The following FBXW7 variants were observed in gnomAD, a reference collection of about 807,000 sequenced individuals.
The protein encoded by FBXW7 is F-box and WD repeat domain containing 7.
FBXW7 carries 11 observed loss-of-function variants against 86.3 expected under a neutral mutation model. The observed-to-expected ratio is 0.13, with a 90% CI of 0.08 to 0.21. The LOEUF (loss-of-function observed/expected upper bound fraction) is 0.21, where lower values mean the gene tolerates loss of function less well. Among genes scored for constraint, FBXW7 ranks in the 10% least tolerant of loss-of-function variants. The probability of loss-of-function intolerance (pLI) is 1.00; values close to 1 mark genes in which losing one functional copy is unlikely to be tolerated. For synonymous variants in FBXW7, 313 were observed against 297.9 expected, an observed-to-expected ratio of 1.05 and a Z score of -0.52; for missense variants, 488 against 847.4, an observed-to-expected ratio of 0.58 and a Z score of 5.27.
At chr4:152,494,423 G>C (rs1372345349) in intron 2 of FBXW7, among the ~76,000 whole-genome samples, 1 of 152,206 alleles carries the variant, frequency 6.6e-6, no homozygotes, top group African/African-American at 2.4e-5. Flanking sequence ...TAATGCAGTG[G>C]ATTCCCATGC....
At chr4:152,530,317 T>C (rs894044867) in intron 2 of FBXW7, 6 of 152,194 alleles carry the variant, frequency 3.9e-5, no homozygotes, top group Non-Finnish European at 7.3e-5. Flanking sequence ...CAAACTTTAA[T>C]GCTCTTATAA....
chr4:152,456,152 T>C (rs1004019550), intron 2 of FBXW7, among the ~76,000 whole-genome samples: 2 of 151,804 alleles, frequency 1.3e-5, no homozygotes, highest in Non-Finnish European at 2.9e-5. Flanking sequence ...AATCTGCAAG[T>C]AATTATCCAA....
Position 152,463,290 on chromosome 4 carries a change from CA to C in FBXW7, c.-119-50762del, listed in dbSNP as rs926300898. On this transcript the variant is annotated intron_variant, in intron 2 of 13. Transcript: ENST00000281708. Reference sequence around the variant, plus strand: ...GGCGACACAGTGAGACTTTCTGTCTCAAAAAAAAAAAGAATGTTTTCTGTGA... The same window carrying C: ...GGCGACACAGTGAGACTTTCTGTCTCAAAAAAAAAAGAATGTTTTCTGTGA... Among the ~76,000 whole-genome samples, 90 of 140,684 alleles carry C rather than the reference CA, an allele frequency of 6.4e-4. 1 individual carries two copies. Among genetic ancestry groups the C allele is most frequent in the African/African-American group, 1.3e-3 (49 of 38,352 alleles). The allele number at this position is 140,684 out of a possible 152,430, so 92.3% of individuals were successfully genotyped here. A position where few individuals can be genotyped will look rare whatever the true frequency, so the allele number is the denominator to read the frequency against.
intron 2 of FBXW7, among the ~76,000 whole-genome samples, chr4:152,483,731 T>G (rs1000388406): frequency 6.6e-6 from 1 of 151,792 alleles, no homozygotes; most frequent in Admixed American, 6.6e-5. Flanking sequence ...AAAAAAACCC[T>G]TTCTGTGTTG....
At chr4:152,355,766 G>C (rs143630462) in intron 4 of FBXW7, among the ~76,000 whole-genome samples, 5 of 152,026 alleles carry the variant, frequency 3.3e-5, no homozygotes. Context: ...GTGTAGAAGT[G>C]GAACTAGTGT....
At chr4:152,351,601 CAT>C (rs567746527) in intron 4 of FBXW7, among the ~76,000 whole-genome samples, 2 of 151,918 alleles carry the variant, frequency 1.3e-5, no homozygotes, top group Non-Finnish European at 2.9e-5. Context: ...TAGATACACA[CAT>C]ATATATATAA....
chr4:152,365,836 G>C (rs929556602), intron 4 of FBXW7, among the ~76,000 whole-genome samples: 1 of 152,140 alleles, frequency 6.6e-6, no homozygotes, highest in Non-Finnish European at 1.5e-5. Context: ...CCAACACCTT[G>C]TTACAGTGTG....
chr4:152,512,124 G>C (rs922201140), intron 2 of FBXW7, among the ~76,000 whole-genome samples: 1 of 152,068 alleles, frequency 6.6e-6, no homozygotes. Context: ...TTACTATACT[G>C]TTTCTTCTTT....
chr4:152,363,451 T>G (rs1243345716), intron 4 of FBXW7, among the ~76,000 whole-genome samples: 1 of 152,064 alleles, frequency 6.6e-6, no homozygotes, highest in Non-Finnish European at 1.5e-5. Context: ...GACTAATAAG[T>G]GAAACTGCTT....
chr4:152,332,971 C>T (rs1729703901), intron 7 of FBXW7, among the ~76,000 whole-genome samples: 1 of 152,044 alleles, frequency 6.6e-6, no homozygotes, highest in Non-Finnish European at 1.5e-5. Context: ...TATTAAACCT[C>T]TCTGTCTCTG....
chr4:152,362,969 C>T (rs1364060753), intron 4 of FBXW7, among the ~76,000 whole-genome samples: 1 of 151,970 alleles, frequency 6.6e-6, no homozygotes, highest in Non-Finnish European at 1.5e-5. Flanking sequence ...TTTTTAGTCA[C>T]CTGACTTTTA....
intron 2 of FBXW7, among the ~76,000 whole-genome samples, chr4:152,498,912 T>C (rs1366090260): frequency 6.6e-6 from 1 of 152,112 alleles, no homozygotes; most frequent in Non-Finnish European, 1.5e-5. Flanking sequence ...TAGATCTCAA[T>C]TAGAAAAATA....
Position 152,367,967 on chromosome 4 carries a change from C to T in FBXW7, c.502-17843G>A, listed in dbSNP as rs140019993. Among the ~76,000 whole-genome samples, 888 of 151,896 alleles carry T rather than the reference C, an allele frequency of 5.8e-3. 7 individuals carry two copies. The highest frequency in any genetic ancestry group is 0.02 in the African/African-American group (836 of 41,452). On this transcript the variant is annotated intron_variant, in intron 4 of 13. Coordinates refer to ENST00000281708, the MANE Select transcript of FBXW7 (RefSeq NM_001349798.2). Reference sequence around the variant, plus strand: ...TTTTTTTGGAGGAGGTATGGTTTGCCATTTATTACTTTTTTTTTGTAAGAG... The same window carrying T: ...TTTTTTTGGAGGAGGTATGGTTTGCTATTTATTACTTTTTTTTTGTAAGAG...
At chr4:152,475,472 A>T (rs538777186) in intron 2 of FBXW7, among the ~76,000 whole-genome samples, 10 of 152,162 alleles carry the variant, frequency 6.6e-5, no homozygotes, top group Non-Finnish European at 1.2e-4. Context: ...ACCAGGAACA[A>T]AGCAAAGATG....
chr4:152,512,857 T>C (rs537662213), intron 2 of FBXW7, among the ~76,000 whole-genome samples: 1 of 152,148 alleles, frequency 6.6e-6, no homozygotes, highest in East Asian at 1.9e-4. Flanking sequence ...AACGACCGAA[T>C]ATTTATTTAT....
intron 2 of FBXW7, among the ~76,000 whole-genome samples, chr4:152,502,398 TAA>T (rs1747038182): frequency 6.6e-6 from 1 of 152,162 alleles, no homozygotes; most frequent in African/African-American, 2.4e-5. Context: ...ATCTAGTCAG[TAA>T]AAATTAACTA....
chr4:152,457,887 A>G (rs1742577410), intron 2 of FBXW7, among the ~76,000 whole-genome samples: 1 of 151,660 alleles, frequency 6.6e-6, no homozygotes. Context: ...GGGTAGTGGT[A>G]CTCAGTTTCC....
chr4:152,358,066 C>T (rs1383822928), intron 4 of FBXW7, among the ~76,000 whole-genome samples: 1 of 152,098 alleles, frequency 6.6e-6, no homozygotes, highest in African/African-American at 2.4e-5. Context: ...ATCTTTCATG[C>T]TTAAAATCCA....
intron 2 of FBXW7, among the ~76,000 whole-genome samples, chr4:152,495,538 T>C (rs973013929): frequency 1.3e-5 from 2 of 152,124 alleles, no homozygotes; most frequent in African/African-American, 4.8e-5. Context: ...CAGTAACATA[T>C]TAAAAATATA....
Sources: allele counts gnomAD v4.1 joint callset (sites outside exome capture counted in the v4.1 genomes callset), GRCh38; gene constraint gnomAD v4.1.1; transcripts MANE v1.5; gene names NCBI Gene and HGNC (gene_info 2026-07-23, HGNC 2026-07-21).